The following CTBP1 variants were observed in gnomAD, a reference collection of about 807,000 sequenced individuals.
CTBP1 encodes C-terminal binding protein 1, also known as C-terminal-binding protein 1.
CTBP1 carries 11 observed loss-of-function variants against 42.1 expected under a neutral mutation model. That is an observed-to-expected ratio of 0.26 (90% CI 0.16 to 0.43). The LOEUF (loss-of-function observed/expected upper bound fraction) is 0.43, where lower values mean the gene tolerates loss of function less well. CTBP1 is among the 20% of genes least tolerant of loss of function. The pLI is 1.00. For synonymous variants in CTBP1, 324 were observed against 277.1 expected (o/e 1.17, Z -1.68); for missense variants, 399 against 624.3 (o/e 0.64, Z 3.85).
At chr4:1,232,773 C>T (rs757103901) in intron 3 of CTBP1, 2 of 152,222 alleles carry the variant, frequency 1.3e-5, no homozygotes, top group South Asian at 2.1e-4. Flanking sequence ...CATTCAAACA[C>T]GTGGCCGCTT....
At chr4:1,248,300 T>G (rs1281519368) in intron 1 of CTBP1, among the ~76,000 whole-genome samples, 2 of 151,720 alleles carry the variant, frequency 1.3e-5, no homozygotes, top group African/African-American at 4.8e-5. Flanking sequence ...CCCTCCCGCG[T>G]CACCGCCGGG....
intron 1 of CTBP1, among the ~76,000 whole-genome samples, chr4:1,246,463 A>G (rs1361451913): frequency 1.3e-5 from 2 of 152,192 alleles, no homozygotes; most frequent in African/African-American, 4.8e-5. Flanking sequence ...GTCCTTCTAC[A>G]AGGAGAGTCA....
At chr4:1,243,053 G>A (rs1456928514) in intron 1 of CTBP1, 15 of 985,174 alleles carry the variant, frequency 1.5e-5, no homozygotes, top group Non-Finnish European at 1.6e-5. Flanking sequence ...CATTGATACC[G>A]GCTGATACTC....
In CTBP1 at chr4:1,238,441, G is replaced by A. The variant is rs538384723; in HGVS notation, c.8-104C>T. On this transcript the variant is annotated intron_variant, in intron 2 of 9. Coordinates refer to ENST00000382952, the MANE Select transcript of CTBP1 (RefSeq NM_001012614.2). The surrounding 1 kb of genome is among the most constrained non-coding windows in gnomAD (Gnocchi z 5.9). ...CACGGGCCAACGAGGGCCGACCGCC[G>A]GGGGTTTTCTGGTCTATATGTTGTG... 3.1e-5 allele frequency: 42 copies of A among 1,363,858 alleles called. No individual in the cohort carries two copies. Among genetic ancestry groups the A allele is most frequent in the South Asian group, 1.2e-4 (8 of 66,930 alleles). The allele number at this position is 1,363,858 out of a possible 1,614,324, so 84.5% of individuals were successfully genotyped here.
intron 1 of CTBP1, chr4:1,244,332 G>A: frequency 8.3e-6 from 8 of 963,314 alleles, no homozygotes; most frequent in Non-Finnish European, 8.6e-6. Flanking sequence ...GATCCAGACA[G>A]CCACAGTGGG....
rs772618105 is a variant in CTBP1 at position 1,213,044 on chromosome 4, GAGGA to G, written c.989-18_989-15del. The G allele has an allele frequency of 8.2e-5, 132 of 1,612,102 alleles. No individual in the cohort carries two copies. The highest frequency in any genetic ancestry group is 3.1e-4 in the South Asian group (28 of 90,932). ...CTGGGATCCGGCCTGGGAGATGCAGGAGGAAGGAACAGCTGTGGCTCTGAGGGGG... is the reference window on the plus strand; with the variant it reads ...CTGGGATCCGGCCTGGGAGATGCAGGAGGAACAGCTGTGGCTCTGAGGGGG... On this transcript the variant is annotated splice_polypyrimidine_tract_variant and intron_variant, in intron 8 of 9. Coordinates refer to ENST00000382952, the MANE Select transcript of CTBP1 (RefSeq NM_001012614.2).
At chr4:1,236,682 C>A in intron 3 of CTBP1, 1 of 666,706 alleles carries the variant, frequency 1.5e-6, no homozygotes, top group East Asian at 2.8e-5. Context: ...CGGTGTCCAC[C>A]TCCTGATGGG....
Position 1,241,393 on chromosome 4 carries a change from A to C in CTBP1, c.-62T>G. The C allele has an allele frequency of 8.3e-7, 1 of 1,201,388 alleles. No individual in the cohort carries two copies. The highest frequency in any genetic ancestry group is 2.3e-5 in the East Asian group (1 of 42,940). 74.4% of individuals were successfully genotyped at this position (1,201,388 alleles called of 1,614,324 possible). On this transcript the variant is annotated 5_prime_UTR_variant, in exon 2 of 10. Transcript: ENST00000382952. ...CGACTTTTCAAAGCTTTTTATCTTC[A>C]GGATCCCCAGGCAGAACCGCGTCCT...
intron 1 of CTBP1, chr4:1,244,632 C>T (rs906129891): frequency 1.1e-4 from 111 of 985,396 alleles, no homozygotes; most frequent in African/African-American, 1.0e-3. Flanking sequence ...CCCCTAAAGC[C>T]GCTGCCCAGG....
At chr4:1,222,378 C>T (rs547496076) in intron 5 of CTBP1, among the ~76,000 whole-genome samples, 140 of 152,274 alleles carry the variant, frequency 9.2e-4, no homozygotes, top group African/African-American at 3.0e-3. Context: ...GCTGACCTGG[C>T]CTGGTTCATC....
At chr4:1,222,943 C>CA (rs955496388) in intron 5 of CTBP1, among the ~76,000 whole-genome samples, 7 of 150,346 alleles carry the variant, frequency 4.7e-5, no homozygotes. Context: ...ATACCCCCCC[C>CA]ACATCCCACA....
At chr4:1,215,785 T>C (rs905895614) in intron 6 of CTBP1, 4 of 603,798 alleles carry the variant, frequency 6.6e-6, no homozygotes, top group Admixed American at 5.9e-5. Context: ...GAGAGTATTT[T>C]AGATGTCCTG....
chr4:1,225,865 G>A (rs946325728), intron 4 of CTBP1, among the ~76,000 whole-genome samples: 1 of 151,900 alleles, frequency 6.6e-6, no homozygotes, highest in Non-Finnish European at 1.5e-5. Context: ...CCGACTCAGC[G>A]CTGGCAGCCC....
chr4:1,243,380 G>C, intron 1 of CTBP1: 1 of 985,340 alleles, frequency 1.0e-6, no homozygotes, highest in Non-Finnish European at 1.2e-6. Context: ...GCACTCCCTG[G>C]GCTAGCCCTG....
At position 1,233,242 on chromosome 4, in the gene CTBP1, G is replaced by A. The variant is rs1179700669; in HGVS notation, c.163-4899C>T. 1 of 152,272 alleles carries A rather than the reference G, an allele frequency of 6.6e-6. No homozygotes were observed. The allele number at this position is 152,272 out of a possible 1,614,324, so 9.4% of individuals were successfully genotyped here. On this transcript the variant is annotated intron_variant, in intron 3 of 9. Transcript: ENST00000382952. The surrounding 1 kb of genome is among the most constrained non-coding windows in gnomAD (Gnocchi z 4.6). Reference sequence around the variant, plus strand: ...GGCCTGTCCTACACTCCATTACCATGACAACGCCAGCTTGTGTGTTTTTCC... The same window carrying A: ...GGCCTGTCCTACACTCCATTACCATAACAACGCCAGCTTGTGTGTTTTTCC...
intron 1 of CTBP1, chr4:1,242,891 GC>G: frequency 1.0e-6 from 1 of 985,344 alleles, no homozygotes; most frequent in Non-Finnish European, 1.2e-6. Context: ...CGCCACCCAC[GC>G]CCAGCCAAAC....
chr4:1,212,571 T>G (rs918384325), intron 9 of CTBP1, 148 bp from the exon 10 acceptor site: 2 of 735,382 alleles, frequency 2.7e-6, no homozygotes, highest in Non-Finnish European at 4.2e-6. Context: ...CGGATGTTCC[T>G]GCCTATGGCA....
intron 4 of CTBP1, among the ~76,000 whole-genome samples, chr4:1,227,832 T>G (rs888912217): frequency 7.2e-5 from 11 of 152,244 alleles, no homozygotes; most frequent in African/African-American, 2.7e-4. Flanking sequence ...ACGCTGCTGT[T>G]CCCGCTGTGT....
At chr4:1,244,585 C>T (rs113358900) in intron 1 of CTBP1, 2 of 985,222 alleles carry the variant, frequency 2.0e-6, no homozygotes, top group Non-Finnish European at 2.4e-6. Flanking sequence ...AAAGCTCCTC[C>T]TCACCAACCC....
Sources: allele counts gnomAD v4.1 joint callset (sites outside exome capture counted in the v4.1 genomes callset), GRCh38; gene constraint gnomAD v4.1.1; non-coding constraint Gnocchi (gnomAD v3.1); transcripts MANE v1.5; gene names NCBI Gene and HGNC (gene_info 2026-07-23, HGNC 2026-07-21).